The following EYA1 variants were observed in gnomAD, a reference collection of about 807,000 sequenced individuals.
EYA1 encodes the protein EYA transcriptional coactivator and phosphatase 1, also known as protein phosphatase EYA1.
Under a neutral mutation model 82.0 loss-of-function variants are expected in EYA1, and 16 were observed. The observed-to-expected ratio is 0.20, with a 90% confidence interval of 0.13 to 0.30. The LOEUF (loss-of-function observed/expected upper bound fraction) is 0.30, where lower values mean the gene tolerates loss of function less well. Ranked by LOEUF, EYA1 falls within the 10% of genes least tolerant of loss-of-function variation. EYA1 has a pLI of 1.00. For missense variants in EYA1, 633 were observed against 730.7 expected, an observed-to-expected ratio of 0.87 and a Z score of 1.54; for synonymous variants, 261 against 264.4, an observed-to-expected ratio of 0.99 and a Z score of 0.12.
intron 7 of EYA1, among the ~76,000 whole-genome samples, chr8:71,303,313 TATACAC>T (rs1408581111): frequency 2.0e-5 from 2 of 102,500 alleles, no homozygotes; most frequent in African/African-American, 8.0e-5. Flanking sequence ...GTACATTTGA[TATACAC>T]ACACACACAC....
rs770160374 is a variant in EYA1 at position 71,271,872 on chromosome 8, T to C, written c.852A>G (p.Ser284=). ...CAGAATCTGAATCTTTAATGGGTGTTGATGGGCTGTGGATTGTGCTGTACT... is the reference window on the plus strand; with the variant it reads ...CAGAATCTGAATCTTTAATGGGTGTCGATGGGCTGTGGATTGTGCTGTACT... ...TAEYSTIHSP[S]TPIKDSDSDR... Residue 284 remains serine, a synonymous_variant, in exon 10 of 18, where the codon TCA becomes TCG. Transcript: ENST00000340726. 1 of 1,614,214 alleles carries C rather than the reference T, an allele frequency of 6.2e-7. No homozygotes were observed. The highest frequency in any genetic ancestry group is 1.7e-5 in the Admixed American group (1 of 60,022).
intron 2 of EYA1, among the ~76,000 whole-genome samples, chr8:71,399,696 T>C (rs1170266739): frequency 6.6e-6 from 1 of 152,106 alleles, no homozygotes; most frequent in African/African-American, 2.4e-5. Context: ...AGAATCAATA[T>C]TGTGAAAATG....
At chr8:71,505,476 C>T (rs559122489) in intron 2 of EYA1, among the ~76,000 whole-genome samples, 21 of 152,310 alleles carry the variant, frequency 1.4e-4, no homozygotes, top group Admixed American at 3.3e-4. Context: ...CATTCCTTTG[C>T]GACTTGTGGC....
chr8:71,543,259 C>T (rs1161827820), intron 1 of EYA1, among the ~76,000 whole-genome samples: 1 of 152,138 alleles, frequency 6.6e-6, no homozygotes, highest in Admixed American at 6.5e-5. Flanking sequence ...ACAACTTGTC[C>T]ATGATGGAAA....
chr8:71,463,257 T>G (rs1808501495), intron 2 of EYA1, among the ~76,000 whole-genome samples: 1 of 152,194 alleles, frequency 6.6e-6, no homozygotes, highest in Non-Finnish European at 1.5e-5. Context: ...TCATCCACAG[T>G]TTCAGAAGCC....
chr8:71,252,596 G>A (rs1312544993), intron 11 of EYA1, among the ~76,000 whole-genome samples: 1 of 152,132 alleles, frequency 6.6e-6, no homozygotes, highest in Non-Finnish European at 1.5e-5. Context: ...ACTCCCAGAA[G>A]GGGCCATCAC....
chr8:71,527,315 T>C (rs80051864), intron 2 of EYA1, among the ~76,000 whole-genome samples: 15,319 of 152,272 alleles, frequency 0.1, 1,616 homozygotes, highest in East Asian at 0.48. Flanking sequence ...CACCACACAT[T>C]TATTTTGTGA....
At chr8:71,511,850 C>T (rs755637390) in intron 2 of EYA1, among the ~76,000 whole-genome samples, 1 of 152,042 alleles carries the variant, frequency 6.6e-6, no homozygotes, top group Non-Finnish European at 1.5e-5. Flanking sequence ...AGGAGCAAAG[C>T]AGGAAGGGGA....
At chr8:71,321,357 G>T (rs1822522852) in intron 6 of EYA1, among the ~76,000 whole-genome samples, 1 of 152,142 alleles carries the variant, frequency 6.6e-6, no homozygotes, top group African/African-American at 2.4e-5. Context: ...TCACAGCTAG[G>T]CATCTGATAA....
intron 6 of EYA1, among the ~76,000 whole-genome samples, chr8:71,319,074 A>C (rs1822233949): frequency 6.6e-6 from 1 of 151,506 alleles, no homozygotes; most frequent in African/African-American, 2.4e-5. Context: ...GCTGCATTTG[A>C]GACTATACTG....
intron 7 of EYA1, among the ~76,000 whole-genome samples, chr8:71,306,059 G>A (rs1218195298): frequency 6.6e-6 from 1 of 152,132 alleles, no homozygotes; most frequent in East Asian, 1.9e-4. Flanking sequence ...ACATCACCTT[G>A]CATCACCCAC....
chr8:71,368,847 C>T lies in EYA1; in HGVS notation c.34-12336G>A, dbSNP rs770268415. 4.6e-5 allele frequency among the ~76,000 whole-genome samples: 7 copies of T among 152,002 alleles called. No individual in the cohort carries two copies. The Middle Eastern group carries it at 0.01, about 222-fold the overall frequency. ...CAAAATTATGCCTATTATCAACCCA[C>T]GAATGACTTATACGTGAAAAGGAAA... is the stretch of plus-strand genomic sequence containing the variant. On this transcript the variant is annotated intron_variant, in intron 2 of 18. Coordinates refer to the EYA1 transcript ENST00000643681.
intron 3 of EYA1, among the ~76,000 whole-genome samples, chr8:71,334,619 A>T (rs767964710): frequency 6.6e-6 from 1 of 152,064 alleles, no homozygotes; most frequent in Non-Finnish European, 1.5e-5. Flanking sequence ...CCTGATGCTC[A>T]AGGGCAAGGT....
intron 7 of EYA1, among the ~76,000 whole-genome samples, chr8:71,309,606 T>C (rs1308046423): frequency 2.0e-5 from 3 of 152,180 alleles, no homozygotes; most frequent in Non-Finnish European, 4.4e-5. Context: ...CTATAGATAA[T>C]AAAAAAATTT....
At chr8:71,493,036 T>A (rs894413729) in intron 2 of EYA1, among the ~76,000 whole-genome samples, 2 of 152,210 alleles carry the variant, frequency 1.3e-5, no homozygotes, top group African/African-American at 4.8e-5. Flanking sequence ...ATTCCTGTGT[T>A]AATCTACTAA....
intron 2 of EYA1, among the ~76,000 whole-genome samples, chr8:71,391,434 T>C (rs1829276630): frequency 6.6e-6 from 1 of 152,348 alleles, no homozygotes; most frequent in Admixed American, 6.5e-5. Flanking sequence ...ATCTCTGTTA[T>C]GTCAGGGTTT....
chr8:71,542,117 A>G (rs934150075), intron 1 of EYA1, among the ~76,000 whole-genome samples: 1 of 152,150 alleles, frequency 6.6e-6, no homozygotes, highest in Non-Finnish European at 1.5e-5. Flanking sequence ...GGTTTGTTAT[A>G]TAGGTAAATC....
chr8:71,309,672 A>C (rs1278975431), intron 7 of EYA1, among the ~76,000 whole-genome samples: 9 of 152,200 alleles, frequency 5.9e-5, no homozygotes, highest in African/African-American at 2.2e-4. Context: ...TGACTAATAA[A>C]CTTAAATGGT....
At chr8:71,339,956 G>A (rs1312286357) in intron 3 of EYA1, among the ~76,000 whole-genome samples, 1 of 151,654 alleles carries the variant, frequency 6.6e-6, no homozygotes, top group Non-Finnish European at 1.5e-5. Context: ...TTCTGTCCTG[G>A]CCACACTCTA....
Sources: allele counts gnomAD v4.1 joint callset (sites outside exome capture counted in the v4.1 genomes callset), GRCh38; gene constraint gnomAD v4.1.1; transcripts MANE v1.5; gene names NCBI Gene and HGNC (gene_info 2026-07-23, HGNC 2026-07-21).